PALD1: variants seen among roughly 807,000 people sequenced by gnomAD.
PALD1 encodes paladin.
Under a neutral mutation model 96.0 loss-of-function variants are expected in PALD1, and 57 were observed. The observed-to-expected ratio is 0.59, with a 90% CI of 0.48 to 0.74. PALD1 has a LOEUF of 0.74. PALD1 is among the 30% of genes least tolerant of loss of function. PALD1 has a pLI of 0.00. For missense variants in PALD1, 1,063 were observed against 1,143.7 expected (o/e 0.93, Z 1.02); for synonymous variants, 464 against 473.6 (o/e 0.98, Z 0.26).
At chr10:70,461,883 C>T in the PALD1 span, among the ~76,000 whole-genome samples, 1 of 152,196 alleles carries the variant, frequency 6.6e-6, no homozygotes, top group Non-Finnish European at 1.5e-5. Flanking sequence ...GCCTCAACCT[C>T]CCTGGCTCAA....
chr10:70,476,919 T>C (rs1206935133), upstream of PALD1, among the ~76,000 whole-genome samples: 1 of 151,906 alleles, frequency 6.6e-6, no homozygotes, highest in African/African-American at 2.4e-5. Context: ...TATGTGCATA[T>C]GTGTATGTGC....
intron 19 of PALD1, among the ~76,000 whole-genome samples, chr10:70,565,271 C>T (rs7098179): frequency 0.12 from 17,928 of 152,208 alleles, 1,170 homozygotes; most frequent in Middle Eastern, 0.19. Context: ...CCCTTGCTGT[C>T]CGGCCTCCTG....
At chr10:70,537,709 C>T in intron 10 of PALD1, 102 bp from the exon 11 acceptor site, 1 of 741,332 alleles carries the variant, frequency 1.3e-6, no homozygotes, top group Non-Finnish European at 2.4e-6. Flanking sequence ...GAAAGACTGT[C>T]TTCTGGGGAG....
At chr10:70,469,174 C>T in the PALD1 span, among the ~76,000 whole-genome samples, 1 of 152,148 alleles carries the variant, frequency 6.6e-6, no homozygotes, top group Non-Finnish European at 1.5e-5. Flanking sequence ...GTCAGATTGG[C>T]CTATCAGCCA....
At chr10:70,547,779 C>T (rs529298792) in intron 18 of PALD1, among the ~76,000 whole-genome samples, 29 of 152,226 alleles carry the variant, frequency 1.9e-4, no homozygotes, top group Non-Finnish European at 4.4e-5. Flanking sequence ...TGGTGCCAGG[C>T]GTTAACCCTC....
intron 1 of PALD1, among the ~76,000 whole-genome samples, chr10:70,484,550 T>G (rs1213577215): frequency 2.0e-5 from 3 of 151,746 alleles, no homozygotes; most frequent in Non-Finnish European, 2.9e-5. Flanking sequence ...TTGTTTGTTT[T>G]TTTTTTTGAG....
chr10:70,530,088 G>A lies in PALD1; in HGVS notation c.468+20G>A. 1 of 1,489,828 alleles carries A rather than the reference G, an allele frequency of 6.7e-7. No homozygotes were observed. The highest frequency in any genetic ancestry group is 2.5e-5 in the East Asian group (1 of 39,314). 92.3% of individuals were successfully genotyped at this position (1,489,828 alleles called of 1,614,324 possible). ...CATAGGGTAAGTATGCCACTTCCCA[G>A]GCAGAAGCCAGGTCCCCAAAGCCAG... On this transcript the variant is annotated intron_variant, in intron 4 of 19. Transcript: ENST00000263563.
chr10:70,543,061 GT>G (rs57980012), intron 17 of PALD1, among the ~76,000 whole-genome samples: 26,002 of 122,820 alleles, frequency 0.21, 1,951 homozygotes, highest in Admixed American at 0.24. Context: ...GTGCCCAGCC[GT>G]TTTTTTTTTT....
chr10:70,549,969 G>A (rs543344737), intron 18 of PALD1, among the ~76,000 whole-genome samples: 24 of 152,360 alleles, frequency 1.6e-4, no homozygotes, highest in Non-Finnish European at 2.9e-4. Context: ...GCAGTGGGAG[G>A]ACACAGATCC....
chr10:70,475,255 G>A (rs1845807831), upstream of PALD1, among the ~76,000 whole-genome samples: 1 of 152,248 alleles, frequency 6.6e-6, no homozygotes, highest in Admixed American at 6.5e-5. Flanking sequence ...ATTGCACACA[G>A]AAGGGGGCTG....
chr10:70,548,056 A>C (rs1207251747), intron 18 of PALD1, among the ~76,000 whole-genome samples: 3 of 152,214 alleles, frequency 2.0e-5, no homozygotes, highest in African/African-American at 7.2e-5. Context: ...CTGTAATCCT[A>C]GCACTTTAGG....
At chr10:70,559,033 C>T (rs889259362) in intron 18 of PALD1, among the ~76,000 whole-genome samples, 22 of 152,160 alleles carry the variant, frequency 1.4e-4, no homozygotes, top group African/African-American at 4.1e-4. Context: ...GGCCGTGTCC[C>T]TGGACCATGA....
At position 70,508,809 on chromosome 10, in the gene PALD1, G is replaced by GTGTGTGTGTA. The variant is rs1554855632; in HGVS notation, c.-29-17105_-29-17104insATGTGTGTGT. Among the ~76,000 whole-genome samples, 278 of 113,818 alleles carry GTGTGTGTGTA rather than the reference G, an allele frequency of 2.4e-3. 4 individuals are homozygous for GTGTGTGTGTA. Among genetic ancestry groups the GTGTGTGTGTA allele is most frequent in the African/African-American group, 7.9e-3 (242 of 30,744 alleles). The allele number at this position is 113,818 out of a possible 152,430, so 74.7% of individuals were successfully genotyped here. ...CGTGTGTGTGTGTGTGTGTGTGTGT[G>GTGTGTGTGTA]TGTGTGTGTGCAGGCCTGTGGGAGC... On this transcript the variant is annotated intron_variant, in intron 1 of 19. Transcript: ENST00000263563.
chr10:70,545,413 C>A (rs1038816243), intron 17 of PALD1, among the ~76,000 whole-genome samples: 2 of 151,834 alleles, frequency 1.3e-5, no homozygotes, highest in African/African-American at 4.8e-5. Context: ...AAGGGTACTG[C>A]TGTGGAGGCA....
intron 1 of PALD1, among the ~76,000 whole-genome samples, chr10:70,518,837 C>T (rs1366120003): frequency 1.3e-5 from 2 of 152,224 alleles, no homozygotes; most frequent in Non-Finnish European, 2.9e-5. Context: ...ACCCCTGCCC[C>T]CTGGCAGACA....
In PALD1 at chr10:70,547,369, G is replaced by A; in HGVS notation, c.2185G>A (p.Ala729Thr). ...GHRVKKEVDA[A>T]LDTVSETMTP... ...CCGTGTGAAGAAGGAGGTGGACGCA[G>A]CGCTGGACACTGTCAGCGAGACCAT... Residue 729 changes from alanine to threonine, a missense_variant, in exon 18 of 20, where the codon GCG (alanine) becomes ACG (threonine). Coordinates refer to ENST00000263563, the MANE Select transcript of PALD1 (RefSeq NM_014431.3). 6.2e-7 allele frequency: 1 copy of A among 1,612,296 alleles called. No individual in the cohort carries two copies. Among genetic ancestry groups the A allele is most frequent in the Non-Finnish European group, 8.5e-7 (1 of 1,178,502 alleles).
Position 70,538,939 on chromosome 10 carries a change from G to A in PALD1, c.1500G>A (p.Glu500=). ...VSPDALSTVR[E]MDVANFRRVP... is the part of the protein sequence containing the mutation. ...CGGACGCGCTCAGCACTGTCAGAGAGATGGATGTGGCCAACTTCCGGCGGG... is the reference window on the plus strand; with the variant it reads ...CGGACGCGCTCAGCACTGTCAGAGAAATGGATGTGGCCAACTTCCGGCGGG... The change falls in exon 13 of 20, where the codon GAG becomes GAA. Residue 500 remains glutamate (E), a synonymous_variant. Coordinates refer to ENST00000263563, the MANE Select transcript of PALD1 (RefSeq NM_014431.3). 6.2e-7 allele frequency: 1 copy of A among 1,613,884 alleles called. No homozygotes were observed. Among genetic ancestry groups the A allele is most frequent in the Non-Finnish European group, 8.5e-7 (1 of 1,179,994 alleles).
chr10:70,496,825 G>A (rs1321496538), intron 1 of PALD1, among the ~76,000 whole-genome samples: 2 of 152,160 alleles, frequency 1.3e-5, no homozygotes, highest in African/African-American at 4.8e-5. Context: ...GAGGGAGACC[G>A]AGGAGGTTCC....
chr10:70,564,303 T>G, intron 18 of PALD1, 61 bp from the exon 19 acceptor site: 15 of 1,504,400 alleles, frequency 1.0e-5, no homozygotes, highest in South Asian at 2.5e-5. Context: ...CAGGGTGGCA[T>G]GTTTGTGTGT....
Sources: gnomAD v4.1 joint callset for allele counts (sites outside exome capture counted in the v4.1 genomes callset) on GRCh38, gnomAD v4.1.1 for gene constraint, MANE v1.5 for transcripts, NCBI Gene and HGNC (gene_info 2026-07-23, HGNC 2026-07-21) for gene names.